Variants in LRRC1 observed in about 807,000 individuals in gnomAD.
LRRC1 encodes leucine-rich repeat-containing protein 1.
LRRC1 carries 28 observed loss-of-function variants against 69.9 expected under a neutral mutation model. The observed-to-expected ratio is 0.40, with a 90% CI of 0.30 to 0.55. The LOEUF is 0.55. Among genes scored for constraint, LRRC1 ranks in the 20% least tolerant of loss-of-function variants. The pLI is 0.47. For synonymous variants in LRRC1, 236 were observed against 240.2 expected (o/e 0.98, Z 0.16); for missense variants, 498 against 609.0 (o/e 0.82, Z 1.92).
rs1184423951 is a variant in LRRC1, at chr6:53,873,775, CT to C, written c.278-5215del. Reference sequence around the variant, plus strand: ...TTTCCAGTATGGATGCCCTTTATTCCTTTCTCTTGCCTAATCTCTCTGGGCA... The same window carrying C: ...TTTCCAGTATGGATGCCCTTTATTCCTTCTCTTGCCTAATCTCTCTGGGCA... On this transcript the variant is annotated intron_variant, in intron 2 of 13. Coordinates refer to ENST00000370888, the MANE Select transcript of LRRC1 (RefSeq NM_018214.5). 3.9e-5 allele frequency among the ~76,000 whole-genome samples: 6 copies of C among 152,148 alleles called. No individual in the cohort carries two copies. The South Asian group carries it at 1.0e-3, about 26-fold the overall frequency.
intron 2 of LRRC1, among the ~76,000 whole-genome samples, chr6:53,843,683 C>T (rs146295462): frequency 2.0e-5 from 3 of 152,148 alleles, no homozygotes; most frequent in East Asian, 3.9e-4. Flanking sequence ...GTGGAATTAA[C>T]ATGCACCAAA....
At chr6:53,851,912 A>G (rs1355042611) in intron 2 of LRRC1, among the ~76,000 whole-genome samples, 2 of 152,280 alleles carry the variant, frequency 1.3e-5, no homozygotes, top group Non-Finnish European at 2.9e-5. Flanking sequence ...TAGTTAGCAT[A>G]AAACCTATGC....
intron 1 of LRRC1, among the ~76,000 whole-genome samples, chr6:53,800,762 C>A (rs891876323): frequency 1.3e-5 from 2 of 151,196 alleles, no homozygotes; most frequent in Admixed American, 6.6e-5. Context: ...GTCTCAGCCC[C>A]CTGAGTAGCT....
intron 2 of LRRC1, among the ~76,000 whole-genome samples, chr6:53,857,420 C>G (rs1008274393): frequency 2.6e-5 from 4 of 152,172 alleles, no homozygotes; most frequent in Non-Finnish European, 5.9e-5. Context: ...ATTGCATGGG[C>G]TGGAGCTACT....
intron 2 of LRRC1, among the ~76,000 whole-genome samples, chr6:53,873,001 C>T (rs1438891457): frequency 1.3e-5 from 2 of 152,046 alleles, no homozygotes; most frequent in South Asian, 2.1e-4. Flanking sequence ...AAGTGATCTG[C>T]CTGCTTCGAC....
At chr6:53,915,921 G>A (rs1225410554) in intron 11 of LRRC1, among the ~76,000 whole-genome samples, 3 of 152,140 alleles carry the variant, frequency 2.0e-5, no homozygotes, top group Non-Finnish European at 4.4e-5. Flanking sequence ...CATACCATGG[G>A]AAATCATACT....
chr6:53,888,438 GA>G (rs1767565172), intron 4 of LRRC1, among the ~76,000 whole-genome samples: 1 of 152,166 alleles, frequency 6.6e-6, no homozygotes, highest in Non-Finnish European at 1.5e-5. Flanking sequence ...ATAAAACATT[GA>G]AAGATTTAAA....
chr6:53,867,725 C>T (rs1766747638), intron 2 of LRRC1, among the ~76,000 whole-genome samples: 1 of 151,888 alleles, frequency 6.6e-6, no homozygotes, highest in African/African-American at 2.4e-5. Flanking sequence ...GAGGCTTAGG[C>T]AGGAGGATTG....
At position 53,890,272 on chromosome 6, in the gene LRRC1, A is replaced by C. The variant is rs116105662; in HGVS notation, c.447-6226A>C. 6.2e-3 allele frequency among the ~76,000 whole-genome samples: 943 copies of C among 152,354 alleles called. 12 individuals carry two copies. Among genetic ancestry groups the C allele is most frequent in the African/African-American group, 0.021 (887 of 41,578 alleles). ...TTCTTAGAGGAGAAGGAATATATGT[A>C]ATGAAATAGTCCAGTACCCGAAACA... On this transcript the variant is annotated intron_variant, in intron 4 of 13. Transcript: ENST00000370888.
chr6:53,902,404 T>G (rs1768088491), intron 8 of LRRC1, among the ~76,000 whole-genome samples: 1 of 152,224 alleles, frequency 6.6e-6, no homozygotes, highest in African/African-American at 2.4e-5. Context: ...TTTTAAAATG[T>G]TTTGTTTCTT....
intron 1 of LRRC1, among the ~76,000 whole-genome samples, chr6:53,824,045 T>TAA (rs1765189625): frequency 6.6e-6 from 1 of 152,174 alleles, no homozygotes; most frequent in Non-Finnish European, 1.5e-5. Context: ...GTTCTGTTTT[T>TAA]AGGTCTTTGA....
At chr6:53,913,337 G>C (rs1044755346) in intron 10 of LRRC1, among the ~76,000 whole-genome samples, 2 of 151,304 alleles carry the variant, frequency 1.3e-5, no homozygotes, top group African/African-American at 4.9e-5. Flanking sequence ...TGTATCATCT[G>C]TAAGATACCC....
intron 2 of LRRC1, among the ~76,000 whole-genome samples, chr6:53,844,540 G>T (rs964989870): frequency 1.3e-5 from 2 of 152,128 alleles, no homozygotes; most frequent in Non-Finnish European, 2.9e-5. Flanking sequence ...GCATCTTCCC[G>T]TGTGTCCCCT....
At chr6:53,887,880 A>C (rs1767541054) in intron 4 of LRRC1, among the ~76,000 whole-genome samples, 1 of 152,194 alleles carries the variant, frequency 6.6e-6, no homozygotes, top group Non-Finnish European at 1.5e-5. Context: ...GGTCTTACTG[A>C]GTCGAGTTCC....
chr6:53,807,798 A>T (rs1764677948), intron 1 of LRRC1, among the ~76,000 whole-genome samples: 1 of 152,156 alleles, frequency 6.6e-6, no homozygotes, highest in Non-Finnish European at 1.5e-5. Flanking sequence ...CAAAACAAGG[A>T]AGTACTGTAG....
intron 1 of LRRC1, among the ~76,000 whole-genome samples, chr6:53,795,808 G>A (rs1259902393): frequency 1.3e-5 from 2 of 152,194 alleles, no homozygotes; most frequent in African/African-American, 4.8e-5. Flanking sequence ...CCACTCCCCG[G>A]GGTCGTTCCC....
At chr6:53,836,047 C>G (rs1765604985) in intron 1 of LRRC1, among the ~76,000 whole-genome samples, 1 of 152,200 alleles carries the variant, frequency 6.6e-6, no homozygotes, top group Admixed American at 6.5e-5. Flanking sequence ...TTTGCCGTTG[C>G]CCTTTTTGAA....
intron 2 of LRRC1, among the ~76,000 whole-genome samples, chr6:53,875,475 T>G (rs1207863340): frequency 6.6e-6 from 1 of 152,048 alleles, no homozygotes; most frequent in Non-Finnish European, 1.5e-5. Context: ...CACACGTGTG[T>G]GTGTGACAAG....
At position 53,913,356 on chromosome 6, in the gene LRRC1, G is replaced by GA. The variant is rs202165012; in HGVS notation, c.991-487dup. 1.9e-3 allele frequency among the ~76,000 whole-genome samples: 259 copies of GA among 139,688 alleles called. 1 individual carries two copies. The highest frequency in any genetic ancestry group is 2.6e-3 in the Non-Finnish European group (164 of 63,756). 91.6% of individuals were successfully genotyped at this position (139,688 alleles called of 152,430 possible). The stretch of plus-strand genomic sequence containing the variant: ...TCATCTGTAAGATACCCCTCTTTTT[G>GA]AAAAAAAAAAACCAAAAAACAAAAA... On this transcript the variant is annotated intron_variant, in intron 10 of 13. Transcript: ENST00000370888.
Sources: allele counts gnomAD v4.1 joint callset (sites outside exome capture counted in the v4.1 genomes callset), GRCh38; gene constraint gnomAD v4.1.1; transcripts MANE v1.5; gene names NCBI Gene and HGNC (gene_info 2026-07-23, HGNC 2026-07-21).